The following CFAP20DC variants were observed in gnomAD, a reference collection of about 807,000 sequenced individuals.
The protein encoded by CFAP20DC is CFAP20 domain containing, also known as protein CFAP20DC.
CFAP20DC carries 84 observed loss-of-function variants against 101.7 expected under a neutral mutation model. The observed-to-expected ratio is 0.83, with a 90% CI of 0.69 to 0.99. The LOEUF is 0.99. CFAP20DC is among the 50% of genes least tolerant of loss of function. The pLI is 0.00. For synonymous variants in CFAP20DC, 359 were observed against 351.2 expected (o/e 1.02, Z -0.25); for missense variants, 1,007 against 970.3 (o/e 1.04, Z -0.50).
chr3:58,931,225 G>A (rs1378173811), intron 5 of CFAP20DC, among the ~76,000 whole-genome samples: 1 of 152,128 alleles, frequency 6.6e-6, no homozygotes, highest in African/African-American at 2.4e-5. Context: ...GGGGAGGGGT[G>A]CGCGCCATTG....
chr3:58,943,106 T>C (rs980242623), intron 4 of CFAP20DC, among the ~76,000 whole-genome samples: 27 of 152,146 alleles, frequency 1.8e-4, no homozygotes, highest in African/African-American at 6.0e-4. Context: ...TCCCATCTCT[T>C]TGGGACAGAG....
At position 58,913,679 on chromosome 3, in the gene CFAP20DC, A is replaced by G. The variant is rs976277179; in HGVS notation, c.550+29T>C. The G allele has an allele frequency of 1.2e-6, 2 of 1,610,646 alleles. No homozygotes were observed. Among genetic ancestry groups the G allele is most frequent in the Non-Finnish European group, 1.7e-6 (2 of 1,177,174 alleles). ...AATTTTAAAAATACATCAGAGAATT[A>G]AAAAATCTTGATAGCAACCTGAACA... is the stretch of plus-strand genomic sequence containing the variant. On this transcript the variant is annotated intron_variant, in intron 6 of 16. Coordinates refer to ENST00000482387, the MANE Select transcript of CFAP20DC (RefSeq NM_001394063.1). The surrounding 1 kb of genome is among the most constrained non-coding windows in gnomAD (Gnocchi z 4.4).
intron 15 of CFAP20DC, among the ~76,000 whole-genome samples, chr3:58,760,995 T>C (rs1334143612): frequency 6.6e-6 from 1 of 152,192 alleles, no homozygotes; most frequent in African/African-American, 2.4e-5. Context: ...TCTAAGATGC[T>C]CTTTTTTTGT....
In CFAP20DC at chr3:58,974,869, G is replaced by A. The variant is rs562134991; in HGVS notation, c.279-37107C>T. ...CGCCACCACTGGACTGTTTATGTAT[G>A]TTAGGCAGTTCTCCTGTCCAGCCCA... On this transcript the variant is annotated intron_variant, in intron 4 of 16. Transcript: ENST00000482387. Among the ~76,000 whole-genome samples, 3 of 152,238 alleles carry A rather than the reference G, an allele frequency of 2.0e-5. No homozygotes were observed. In the South Asian group the frequency reaches 6.2e-4, roughly 32 times the overall value.
Position 58,861,506 on chromosome 3 carries a change from T to G in CFAP20DC, c.1593+2052A>C, listed in dbSNP as rs563211656. 1.3e-5 allele frequency: 12 copies of G among 943,998 alleles called. No individual in the cohort carries two copies. In the South Asian group the frequency reaches 4.9e-4, roughly 39 times the overall value. 58.5% of individuals were successfully genotyped at this position (943,998 alleles called of 1,614,324 possible). A position where few individuals can be genotyped will look rare whatever the true frequency, so the allele number is the denominator to read the frequency against. ...TATACAATTAATAAATAGAAGAAGCTATCCTACAGGAAAAGAAATTACCAA... is the reference window on the plus strand; with the variant it reads ...TATACAATTAATAAATAGAAGAAGCGATCCTACAGGAAAAGAAATTACCAA... On this transcript the variant is annotated intron_variant, in intron 12 of 16. Transcript: ENST00000482387. This position sits in a 1 kb window ranked among gnomAD's most constrained non-coding sequence, Gnocchi z 4.0.
rs1014411242 is a variant in CFAP20DC, at chr3:58,788,861, G to A, written c.2237+17534C>T. Among the ~76,000 whole-genome samples the A allele has an allele frequency of 1.3e-5, 2 of 152,034 alleles. No homozygotes were observed. The highest frequency in any genetic ancestry group is 4.8e-5 in the African/African-American group (2 of 41,408). ...ACTAGTCATCCCTCAGTAGGAGTGG[G>A]GATTAGGTTTCAGTTCCCCCTCCCC... On this transcript the variant is annotated intron_variant, in intron 15 of 16. Coordinates refer to ENST00000482387, the MANE Select transcript of CFAP20DC (RefSeq NM_001394063.1). The surrounding 1 kb of genome is among the most constrained non-coding windows in gnomAD (Gnocchi z 4.2).
Position 58,798,606 on chromosome 3 carries a change from T to C in CFAP20DC, c.2237+7789A>G, listed in dbSNP as rs371439090. On this transcript the variant is annotated intron_variant, in intron 15 of 16. Transcript: ENST00000482387. The stretch of plus-strand genomic sequence containing the variant: ...AAAGCAGCAGCATGGTTGGGCAAGA[T>C]TAACTCCAATTTTGAAAGAAGTTCT... 4.6e-5 allele frequency among the ~76,000 whole-genome samples: 7 copies of C among 152,338 alleles called. No individual in the cohort carries two copies. The East Asian group carries it at 7.7e-4, about 17-fold the overall frequency.
chr3:58,879,724 CAGAA>C (rs2081072356), intron 7 of CFAP20DC, among the ~76,000 whole-genome samples: 1 of 151,966 alleles, frequency 6.6e-6, no homozygotes, highest in South Asian at 2.1e-4. Context: ...AGTGATGTGA[CAGAA>C]AGAGTGTCTT....
intron 4 of CFAP20DC, among the ~76,000 whole-genome samples, chr3:58,969,819 T>C (rs369922240): frequency 2.0e-5 from 3 of 152,118 alleles, no homozygotes; most frequent in Admixed American, 2.0e-4. Flanking sequence ...CATGAAGTAT[T>C]TGAAATAGGC....
chr3:59,018,584 T>A (rs533972928), intron 4 of CFAP20DC: 1 of 152,138 alleles, frequency 6.6e-6, no homozygotes, highest in African/African-American at 2.4e-5. Flanking sequence ...TAAGAAAACA[T>A]CAGACAAACT....
chr3:58,935,788 A>G (rs2087489055), intron 5 of CFAP20DC, among the ~76,000 whole-genome samples: 1 of 152,252 alleles, frequency 6.6e-6, no homozygotes, highest in Non-Finnish European at 1.5e-5. Context: ...TGGATTAAAG[A>G]CTTAAACGTT....
chr3:58,740,170 G>A (rs983086935), downstream of CFAP20DC, among the ~76,000 whole-genome samples: 3 of 152,106 alleles, frequency 2.0e-5, no homozygotes, highest in Admixed American at 2.0e-4. This position sits in a 1 kb window ranked among gnomAD's most constrained non-coding sequence, Gnocchi z 4.6. Flanking sequence ...AGAGAGAAGA[G>A]AAAAGAGAGA....
At chr3:58,933,515 G>C (rs370331070) in intron 5 of CFAP20DC, among the ~76,000 whole-genome samples, 14 of 152,212 alleles carry the variant, frequency 9.2e-5, no homozygotes, top group South Asian at 4.1e-4. Flanking sequence ...TGACCACATA[G>C]TTGGAAGTAA....
chr3:59,013,659 T>C (rs776399679), intron 4 of CFAP20DC, among the ~76,000 whole-genome samples: 3 of 152,148 alleles, frequency 2.0e-5, no homozygotes, highest in African/African-American at 4.8e-5. Context: ...TTCTAGATGC[T>C]TACCAGGAAT....
chr3:58,860,391 T>C (rs2079152738), intron 12 of CFAP20DC, among the ~76,000 whole-genome samples: 1 of 152,192 alleles, frequency 6.6e-6, no homozygotes, highest in Non-Finnish European at 1.5e-5. Flanking sequence ...GCTGTTTGTA[T>C]ATTTATCCTT....
At chr3:58,730,439 A>G (rs2067623439) in intron 3 of CFAP20DC, among the ~76,000 whole-genome samples, 1 of 152,210 alleles carries the variant, frequency 6.6e-6, no homozygotes, top group African/African-American at 2.4e-5. Context: ...TAGGCTGTTC[A>G]ATGAGACAAT....
intron 6 of CFAP20DC, among the ~76,000 whole-genome samples, chr3:58,891,379 G>C (rs1164110199): frequency 3.3e-5 from 5 of 151,392 alleles, no homozygotes; most frequent in African/African-American, 7.3e-5. Flanking sequence ...GTCCAGCTTC[G>C]GCTCCGCATG....
At chr3:58,806,926 T>C (rs372440677) in intron 14 of CFAP20DC, among the ~76,000 whole-genome samples, 123 of 152,282 alleles carry the variant, frequency 8.1e-4, no homozygotes, top group Middle Eastern at 3.4e-3. Flanking sequence ...ATCCCGCACA[T>C]GGCTTGAAGG....
At chr3:58,870,099 C>A in intron 8 of CFAP20DC, 74 bp downstream of exon 8, 3 of 1,176,630 alleles carry the variant, frequency 2.5e-6, no homozygotes, top group East Asian at 5.0e-5. Flanking sequence ...CCCTCCCTCC[C>A]TCTACAAGGG....
Sources: allele counts gnomAD v4.1 joint callset (sites outside exome capture counted in the v4.1 genomes callset), GRCh38; gene constraint gnomAD v4.1.1; non-coding constraint Gnocchi (gnomAD v3.1); transcripts MANE v1.5; gene names NCBI Gene and HGNC (gene_info 2026-07-23, HGNC 2026-07-21).